Variants in HEMK2 observed in about 807,000 individuals in gnomAD.
HEMK2 encodes methyltransferase HEMK2.
At chr21:28,600,307 A>G in the HEMK2 span, among the ~76,000 whole-genome samples, 1,041 of 152,354 alleles carry the variant, frequency 6.8e-3, 20 homozygotes, top group African/African-American at 0.024. Flanking sequence ...CCAAACCTCA[A>G]TTCTTGACTT....
At chr21:28,758,619 A>C in the HEMK2 span, among the ~76,000 whole-genome samples, 618 of 152,306 alleles carry the variant, frequency 4.1e-3, 15 homozygotes, top group East Asian at 0.065. Context: ...TAAGAAGAGA[A>C]ATTCTTAATA....
At chr21:28,612,039 A>C in the HEMK2 span, among the ~76,000 whole-genome samples, 1 of 152,088 alleles carries the variant, frequency 6.6e-6, no homozygotes, top group African/African-American at 2.4e-5. Context: ...ATTCCAAAAG[A>C]TAGTGATAGA....
At chr21:28,652,720 G>A in the HEMK2 span, among the ~76,000 whole-genome samples, 1 of 150,778 alleles carries the variant, frequency 6.6e-6, no homozygotes, top group East Asian at 2.0e-4. Context: ...CATTTGAGTT[G>A]AGGTTTAGCC....
At chr21:28,613,425 C>T in the HEMK2 span, among the ~76,000 whole-genome samples, 2 of 151,794 alleles carry the variant, frequency 1.3e-5, no homozygotes, top group African/African-American at 4.8e-5. Flanking sequence ...AGAAACTTTT[C>T]AAAGTTCAAA....
the HEMK2 span, among the ~76,000 whole-genome samples, chr21:28,653,872 T>C: frequency 6.6e-6 from 1 of 152,204 alleles, no homozygotes; most frequent in Admixed American, 6.6e-5. Context: ...ATGAAAAATG[T>C]ATCTGGCTCT....
the HEMK2 span, among the ~76,000 whole-genome samples, chr21:28,604,479 T>G: frequency 5.9e-5 from 9 of 152,208 alleles, no homozygotes; most frequent in African/African-American, 1.4e-4. Flanking sequence ...ATTCCCTATA[T>G]GAGAAAGACA....
chr21:28,658,346 A>C, the HEMK2 span, among the ~76,000 whole-genome samples: 1 of 152,088 alleles, frequency 6.6e-6, no homozygotes, highest in East Asian at 1.9e-4. Context: ...TAGAGTGGGA[A>C]AGTTGGCTTG....
At chr21:28,850,569 CATAAGTGAAGGGGAAAT>C in the HEMK2 span, among the ~76,000 whole-genome samples, 1 of 152,104 alleles carries the variant, frequency 6.6e-6, no homozygotes, top group African/African-American at 2.4e-5. Flanking sequence ...AACTAAGCTT[CATAAGTGAAGGGGAAAT>C]AAACTCTTTT....
the HEMK2 span, among the ~76,000 whole-genome samples, chr21:28,822,849 C>T: frequency 6.7e-6 from 1 of 148,220 alleles, no homozygotes; most frequent in Non-Finnish European, 1.5e-5. Context: ...ATGGCTAATC[C>T]CAGATATTAA....
chr21:28,813,612 T>G, the HEMK2 span, among the ~76,000 whole-genome samples: 3 of 152,088 alleles, frequency 2.0e-5, no homozygotes, highest in Non-Finnish European at 4.4e-5. Context: ...AAAGAGCCCA[T>G]ATAGCCAAGA....
chr21:28,817,113 T>C, the HEMK2 span, among the ~76,000 whole-genome samples: 7 of 152,174 alleles, frequency 4.6e-5, no homozygotes, highest in African/African-American at 1.7e-4. Flanking sequence ...TGAATGAAAA[T>C]TAGATTACTG....
At chr21:28,666,926 A>C in the HEMK2 span, among the ~76,000 whole-genome samples, 1 of 152,162 alleles carries the variant, frequency 6.6e-6, no homozygotes, top group African/African-American at 2.4e-5. Context: ...AGTAATCTGA[A>C]AGTATTTTTT....
the HEMK2 span, among the ~76,000 whole-genome samples, chr21:28,792,399 G>C: frequency 6.6e-6 from 1 of 152,070 alleles, no homozygotes; most frequent in Admixed American, 6.5e-5. Context: ...CCCCTCTCTT[G>C]GGATCTGGAT....
the HEMK2 span, chr21:28,885,262 G>A: frequency 4.4e-6 from 7 of 1,594,936 alleles, no homozygotes; most frequent in Non-Finnish European, 4.3e-6. Context: ...GCAGAAACGT[G>A]TCCTCCGCGG....
chr21:28,720,017 G>A, the HEMK2 span, among the ~76,000 whole-genome samples: 2 of 152,116 alleles, frequency 1.3e-5, no homozygotes, highest in African/African-American at 4.8e-5. Flanking sequence ...TCTATTTACT[G>A]CCCTGTTTTT....
the HEMK2 span, among the ~76,000 whole-genome samples, chr21:28,646,982 G>A: frequency 6.6e-6 from 1 of 152,120 alleles, no homozygotes; most frequent in Admixed American, 6.5e-5. Context: ...CTTAATAAGG[G>A]GTGTGGTAAA....
chr21:28,589,414 G>A, the HEMK2 span, among the ~76,000 whole-genome samples: 57,309 of 152,026 alleles, frequency 0.38, 11,732 homozygotes, highest in South Asian at 0.5. Context: ...GGTTGGGGGA[G>A]AAAGGTATTA....
At chr21:28,765,405 G>A in the HEMK2 span, among the ~76,000 whole-genome samples, 1 of 152,216 alleles carries the variant, frequency 6.6e-6, no homozygotes, top group South Asian at 2.1e-4. Flanking sequence ...AAGGTGAGAT[G>A]ATAAATGTGT....
the HEMK2 span, among the ~76,000 whole-genome samples, chr21:28,745,788 C>T: frequency 2.0e-5 from 3 of 152,190 alleles, no homozygotes; most frequent in African/African-American, 7.2e-5. Context: ...GCAAAAACAG[C>T]CCCATGGAAT....
Sources: allele counts gnomAD v4.1 joint callset (sites outside exome capture counted in the v4.1 genomes callset), GRCh38; gene constraint gnomAD v4.1.1; transcripts MANE v1.5; gene names NCBI Gene and HGNC (gene_info 2026-07-23, HGNC 2026-07-21).